Variants in LRP1B observed in about 807,000 individuals in gnomAD.
LRP1B encodes low-density lipoprotein receptor-related protein 1B.
A neutral mutation model predicts 556.6 loss-of-function variants in LRP1B; 217 were observed. The observed-to-expected ratio is 0.39, with a 90% confidence interval of 0.35 to 0.44. LRP1B has a LOEUF of 0.44. Ranked by LOEUF, LRP1B falls within the 20% of genes least tolerant of loss-of-function variation. The pLI is 1.00. For synonymous variants in LRP1B, 2,047 were observed against 1,865.8 expected (o/e 1.10, Z -2.50); for missense variants, 5,053 against 5,620.8 (o/e 0.90, Z 3.23).
chr2:141,395,973 A>C (rs1690225756), intron 3 of LRP1B, among the ~76,000 whole-genome samples: 1 of 152,182 alleles, frequency 6.6e-6, no homozygotes, highest in African/African-American at 2.4e-5. Context: ...AATTGAGAGA[A>C]TGATCCAGGT....
intron 71 of LRP1B, among the ~76,000 whole-genome samples, chr2:140,365,378 G>T (rs991378011): frequency 3.3e-5 from 5 of 151,602 alleles, no homozygotes; most frequent in African/African-American, 1.2e-4. Flanking sequence ...TTGTTAAAAT[G>T]TTTGCATTTT....
intron 32 of LRP1B, among the ~76,000 whole-genome samples, chr2:140,798,884 T>A (rs1427452922): frequency 6.6e-6 from 1 of 152,142 alleles, no homozygotes; most frequent in Non-Finnish European, 1.5e-5. Flanking sequence ...CCGTGATCAA[T>A]CCAGTTTTCA....
At chr2:141,029,904 A>G (rs1698318621) in intron 11 of LRP1B, among the ~76,000 whole-genome samples, 1 of 152,134 alleles carries the variant, frequency 6.6e-6, no homozygotes, top group Admixed American at 6.5e-5. Context: ...GTTTAGCAGC[A>G]CATACCTCTA....
intron 1 of LRP1B, among the ~76,000 whole-genome samples, chr2:142,054,592 G>A (rs989921866): frequency 4.6e-5 from 7 of 151,966 alleles, no homozygotes; most frequent in Non-Finnish European, 7.4e-5. Flanking sequence ...ACATGTTTAC[G>A]ATGACACATA....
intron 2 of LRP1B, among the ~76,000 whole-genome samples, chr2:141,765,915 A>G (rs1694718564): frequency 6.6e-6 from 1 of 152,152 alleles, no homozygotes; most frequent in African/African-American, 2.4e-5. Flanking sequence ...CACTTTCCAG[A>G]TGATTCTGCT....
chr2:141,056,381 C>A (rs1371374490), intron 9 of LRP1B, among the ~76,000 whole-genome samples: 1 of 151,606 alleles, frequency 6.6e-6, no homozygotes, highest in Non-Finnish European at 1.5e-5. Flanking sequence ...ATCTTTTAAC[C>A]CAAATTCCCA....
chr2:140,639,031 C>G (rs1228586370), intron 41 of LRP1B, among the ~76,000 whole-genome samples: 1 of 151,714 alleles, frequency 6.6e-6, no homozygotes, highest in East Asian at 1.9e-4. Flanking sequence ...ATTCTTTTCC[C>G]AAGCTGTGAA....
chr2:140,509,326 T>C (rs1689555457), intron 52 of LRP1B, among the ~76,000 whole-genome samples: 1 of 152,150 alleles, frequency 6.6e-6, no homozygotes, highest in African/African-American at 2.4e-5. Context: ...CATCTAAATT[T>C]TTACTGTTGA....
At chr2:142,023,207 C>T (rs558477117) in intron 1 of LRP1B, among the ~76,000 whole-genome samples, 1 of 152,226 alleles carries the variant, frequency 6.6e-6, no homozygotes, top group South Asian at 2.1e-4. Context: ...CCTACCCTTG[C>T]CCAAATTTTC....
intron 41 of LRP1B, among the ~76,000 whole-genome samples, chr2:140,619,911 A>C (rs1175262777): frequency 1.3e-5 from 2 of 152,354 alleles, no homozygotes; most frequent in East Asian, 3.9e-4. Flanking sequence ...AGATTCATAC[A>C]TTAATTAAAT....
At chr2:141,062,026 C>T (rs778277929) in intron 8 of LRP1B, 25 bp downstream of exon 8, 22 of 1,576,110 alleles carry the variant, frequency 1.4e-5, no homozygotes, top group Non-Finnish European at 1.8e-5. Context: ...ACCCTAGGAG[C>T]GTTGTCTAAC....
intron 1 of LRP1B, among the ~76,000 whole-genome samples, chr2:142,056,554 A>C (rs2104882959): frequency 6.6e-6 from 1 of 152,220 alleles, no homozygotes; most frequent in South Asian, 2.1e-4. Context: ...AAGACATATA[A>C]GCTTTATTCT....
chr2:140,640,314 TATTTCACTGGTCACCCTACTTGATAGCA>T (rs1684237816), intron 41 of LRP1B, among the ~76,000 whole-genome samples: 1 of 150,360 alleles, frequency 6.7e-6, no homozygotes, highest in South Asian at 2.1e-4. Context: ...TGTTTAAGAT[TATTTCACTGGTCACCCTACTTGATAGCA>T]TCATTTGCTT....
chr2:140,412,127 T>C (rs1217828516), intron 66 of LRP1B, among the ~76,000 whole-genome samples: 2 of 151,960 alleles, frequency 1.3e-5, no homozygotes, highest in African/African-American at 2.4e-5. Context: ...AAGAAGCAAA[T>C]ATATCAATTA....
chr2:140,704,188 G>A (rs1170774061), intron 37 of LRP1B, among the ~76,000 whole-genome samples: 1 of 152,060 alleles, frequency 6.6e-6, no homozygotes, highest in East Asian at 1.9e-4. Context: ...GAATAGTCAC[G>A]TAAGAATCAG....
rs771011300 is a variant in LRP1B at position 140,982,261 on chromosome 2, A to G, written c.2786T>C (p.Val929Ala). 1.9e-6 allele frequency: 3 copies of G among 1,612,694 alleles called. No homozygotes were observed. The South Asian group carries it at 3.3e-5, about 18-fold the overall frequency. The change falls in exon 18 of 91, where the codon GTA becomes GCA. Residue 929 changes from valine to alanine, a missense_variant. This residue lies in a region of LRP1B where 3,619 missense variants were observed against 3,931.9 expected (regional missense o/e 0.92). Transcript: ENST00000389484. ...CCCATTTCCGCAAGAAAACTGGTCT[A>G]CCTGGCATGTTCTGGCTATGATGAT... ...NQTCTARTCQ[V>A]DQFSCGNGRC...
chr2:141,307,714 TG>T (rs894288255), intron 3 of LRP1B, among the ~76,000 whole-genome samples: 5 of 152,200 alleles, frequency 3.3e-5, no homozygotes, highest in African/African-American at 1.2e-4. Context: ...ATGACAGTGG[TG>T]GGCTGAGCAT....
intron 41 of LRP1B, among the ~76,000 whole-genome samples, chr2:140,622,879 C>A (rs1559012279): frequency 6.6e-6 from 1 of 151,998 alleles, no homozygotes; most frequent in Non-Finnish European, 1.5e-5. Context: ...TAACTACTGC[C>A]CACATTTAAA....
chr2:140,615,983 G>A (rs76153813), intron 41 of LRP1B, among the ~76,000 whole-genome samples: 1,945 of 151,988 alleles, frequency 0.013, 36 homozygotes, highest in African/African-American at 0.045. Context: ...TGTATCTTAC[G>A]TTTGTTGAAT....
Sources: gnomAD v4.1 joint callset for allele counts (sites outside exome capture counted in the v4.1 genomes callset) on GRCh38, gnomAD v4.1.1 for gene constraint, gnomAD v4.1.1 regional missense constraint, MANE v1.5 for transcripts, NCBI Gene and HGNC (gene_info 2026-07-23, HGNC 2026-07-21) for gene names.